Variants in THSD7B observed in about 807,000 individuals in gnomAD.
The protein encoded by THSD7B is thrombospondin type 1 domain containing 7B.
THSD7B carries 138 observed loss-of-function variants against 213.6 expected under a neutral mutation model. The observed-to-expected ratio is 0.65, with a 90% CI of 0.56 to 0.74. The LOEUF (loss-of-function observed/expected upper bound fraction) is 0.74. Ranked by LOEUF, THSD7B falls within the 30% of genes least tolerant of loss-of-function variation. The pLI is 0.00. For missense variants in THSD7B, 1,931 were observed against 1,991.5 expected (o/e 0.97, Z 0.58); for synonymous variants, 742 against 687.0 (o/e 1.08, Z -1.25).
At chr2:137,173,934 C>T (rs1680313977) in intron 7 of THSD7B, among the ~76,000 whole-genome samples, 1 of 152,102 alleles carries the variant, frequency 6.6e-6, no homozygotes, top group African/African-American at 2.4e-5. Context: ...ATACAGTGTC[C>T]TTTGATTTCC....
chr2:136,961,241 G>GCC (rs1685213368), intron 2 of THSD7B, among the ~76,000 whole-genome samples: 1 of 114,960 alleles, frequency 8.7e-6, no homozygotes, highest in African/African-American at 3.6e-5. Flanking sequence ...TTTTTTTTGA[G>GCC]ATGGAGTCTC....
chr2:137,334,051 A>G (rs1684579229), intron 12 of THSD7B, among the ~76,000 whole-genome samples: 1 of 152,230 alleles, frequency 6.6e-6, no homozygotes, highest in Non-Finnish European at 1.5e-5. Context: ...AAACAACCAT[A>G]GACAATATGT....
At chr2:137,065,628 C>T (rs994365510) in intron 3 of THSD7B, among the ~76,000 whole-genome samples, 1 of 151,968 alleles carries the variant, frequency 6.6e-6, no homozygotes, top group Non-Finnish European at 1.5e-5. Context: ...TCCTCTCTTC[C>T]TCTGTCCTCT....
intron 2 of THSD7B, among the ~76,000 whole-genome samples, chr2:137,030,300 GT>G (rs1686641069): frequency 6.6e-6 from 1 of 152,132 alleles, no homozygotes; most frequent in Non-Finnish European, 1.5e-5. Flanking sequence ...TTTAAAGATG[GT>G]TTCTTTGATG....
At chr2:137,277,621 G>T (rs1281650795) in intron 12 of THSD7B, among the ~76,000 whole-genome samples, 1 of 152,030 alleles carries the variant, frequency 6.6e-6, no homozygotes, top group Non-Finnish European at 1.5e-5. Flanking sequence ...TTACTTTCAG[G>T]TAAATTAGGA....
intron 2 of THSD7B, among the ~76,000 whole-genome samples, chr2:136,890,048 A>G (rs537668617): frequency 2.6e-5 from 4 of 152,222 alleles, no homozygotes; most frequent in Admixed American, 2.6e-4. Flanking sequence ...TTCCTTCAGA[A>G]TTTTGAAAGT....
chr2:136,854,764 T>A (rs1439864365), intron 1 of THSD7B, among the ~76,000 whole-genome samples: 1 of 151,810 alleles, frequency 6.6e-6, no homozygotes, highest in Non-Finnish European at 1.5e-5. Flanking sequence ...GGTTTTATGA[T>A]GACATTTTGT....
intron 10 of THSD7B, among the ~76,000 whole-genome samples, chr2:137,243,037 T>A (rs910512671): frequency 1.3e-5 from 2 of 152,320 alleles, no homozygotes; most frequent in East Asian, 3.9e-4. Flanking sequence ...GTTGAACAAG[T>A]ACAGAAATTG....
At chr2:137,446,402 G>A (rs1479908141) in intron 14 of THSD7B, among the ~76,000 whole-genome samples, 4 of 152,032 alleles carry the variant, frequency 2.6e-5, no homozygotes, top group African/African-American at 4.8e-5. Flanking sequence ...AGACTGAAAA[G>A]TCCTTTCATT....
intron 17 of THSD7B, among the ~76,000 whole-genome samples, chr2:137,609,124 G>C (rs1372296223): frequency 1.3e-5 from 2 of 152,192 alleles, no homozygotes; most frequent in African/African-American, 4.8e-5. Context: ...TGAAAGGCCA[G>C]ACTGCCCTTG....
chr2:137,179,984 C>G (rs1680423969), intron 7 of THSD7B, among the ~76,000 whole-genome samples: 1 of 152,226 alleles, frequency 6.6e-6, no homozygotes, highest in East Asian at 1.9e-4. Context: ...ATCACCTGTG[C>G]AAGATTATTT....
chr2:137,127,271 T>C (rs1203354966), intron 5 of THSD7B, among the ~76,000 whole-genome samples: 5 of 152,138 alleles, frequency 3.3e-5, no homozygotes, highest in African/African-American at 9.7e-5. Context: ...CTAGCTGTGC[T>C]GAGGAGATTA....
At chr2:137,540,341 G>A (rs1005080614) in intron 15 of THSD7B, among the ~76,000 whole-genome samples, 4 of 151,686 alleles carry the variant, frequency 2.6e-5, no homozygotes, top group African/African-American at 9.7e-5. Context: ...AGTAAATCAA[G>A]GGTTTGCCAC....
intron 12 of THSD7B, among the ~76,000 whole-genome samples, chr2:137,288,792 A>AATATATAT (rs145513737): frequency 6.2e-5 from 9 of 145,364 alleles, no homozygotes; most frequent in African/African-American, 2.0e-4. Flanking sequence ...CTAGAAACAT[A>AATATATAT]ATATATATAT....
intron 3 of THSD7B, among the ~76,000 whole-genome samples, chr2:137,089,208 C>T (rs1336993686): frequency 6.6e-6 from 1 of 150,754 alleles, no homozygotes; most frequent in Non-Finnish European, 1.5e-5. Context: ...TAGAACCAAC[C>T]CAAATGCCCA....
At chr2:137,610,279 T>C (rs1304787998) in intron 17 of THSD7B, among the ~76,000 whole-genome samples, 1 of 152,118 alleles carries the variant, frequency 6.6e-6, no homozygotes, top group African/African-American at 2.4e-5. Context: ...ATAATTTGTA[T>C]TTCTAACAAG....
chr2:137,048,000 C>A (rs1205050766), intron 2 of THSD7B, among the ~76,000 whole-genome samples: 1 of 152,064 alleles, frequency 6.6e-6, no homozygotes, highest in East Asian at 1.9e-4. Flanking sequence ...TGGTGGTTTG[C>A]CGCACCCATC....
chr2:137,576,027 T>G (rs1232319773), intron 17 of THSD7B, among the ~76,000 whole-genome samples: 1 of 152,122 alleles, frequency 6.6e-6, no homozygotes, highest in Non-Finnish European at 1.5e-5. Flanking sequence ...CATAGAATCA[T>G]CTATTCTTCA....
In THSD7B at chr2:136,948,768, AC is replaced by A. The variant is rs556632697; in HGVS notation, c.139+66453del. Among the ~76,000 whole-genome samples the A allele has an allele frequency of 3.9e-5, 6 of 152,170 alleles. No homozygotes were observed. In the East Asian group the frequency reaches 1.2e-3, roughly 29 times the overall value. ...CAGATGTTTTTCTTATTTAATTCTC[AC>A]CACAATTCTAAAATATAAGCAACAT... On this transcript the variant is annotated intron_variant, in intron 2 of 27. Coordinates refer to ENST00000409968, the MANE Select transcript of THSD7B (RefSeq NM_001316349.2).
Sources: allele counts gnomAD v4.1 joint callset (sites outside exome capture counted in the v4.1 genomes callset), GRCh38; gene constraint gnomAD v4.1.1; transcripts MANE v1.5; gene names NCBI Gene and HGNC (gene_info 2026-07-23, HGNC 2026-07-21).